TRPA1: variants seen among roughly 807,000 people sequenced by gnomAD.
TRPA1 encodes ankyrin-like with transmembrane domains 1.
A neutral mutation model predicts 131.3 loss-of-function variants in TRPA1; 129 were observed. The observed-to-expected ratio is 0.98, with a 90% CI of 0.85 to 1.14. TRPA1 has a LOEUF of 1.14. Ranked by LOEUF, TRPA1 falls within the 50% of genes most tolerant of loss-of-function variation. The pLI is 0.00. For synonymous variants in TRPA1, 441 were observed against 451.7 expected (o/e 0.98, Z 0.30); for missense variants, 1,304 against 1,354.2 (o/e 0.96, Z 0.58).
At chr8:72,073,215 G>T (rs1029627655) in intron 1 of TRPA1, among the ~76,000 whole-genome samples, 2 of 152,250 alleles carry the variant, frequency 1.3e-5, no homozygotes, top group South Asian at 4.1e-4. Flanking sequence ...CATATAAGTA[G>T]CAATGTGGCC....
chr8:72,053,656 C>G (rs1805585034), intron 13 of TRPA1, 97 bp downstream of exon 13: 4 of 871,136 alleles, frequency 4.6e-6, no homozygotes, highest in Non-Finnish European at 7.6e-6. Flanking sequence ...GGGAATAGAG[C>G]AAGGAAGGTA....
intron 12 of TRPA1, 174 bp downstream of exon 12, chr8:72,055,262 G>A (rs936909592): frequency 1.6e-6 from 1 of 623,942 alleles, no homozygotes; most frequent in African/African-American, 1.8e-5. Flanking sequence ...AAATAATACT[G>A]ACTTCCCTTT....
chr8:72,031,577 C>CA (rs201196477), intron 23 of TRPA1, among the ~76,000 whole-genome samples: 2,378 of 134,978 alleles, frequency 0.018, 79 homozygotes, highest in African/African-American at 0.057. Flanking sequence ...GATCCTATCT[C>CA]AAAAAAAACA....
chr8:72,067,599 A>G (rs954783796), intron 3 of TRPA1, among the ~76,000 whole-genome samples: 1 of 152,104 alleles, frequency 6.6e-6, no homozygotes, highest in Non-Finnish European at 1.5e-5. Context: ...CAATTCCCAA[A>G]CCACACTTTC....
chr8:72,067,167 A>G lies in TRPA1; in HGVS notation c.445-1609T>C, dbSNP rs76600636. The stretch of plus-strand genomic sequence containing the variant: ...GGAAGGTTTGAGGGACGGTCAGTGG[A>G]GCAGTCAATGGAGCAGCTTCTAAAC... On this transcript the variant is annotated intron_variant, in intron 3 of 26. Transcript: ENST00000262209. 2.1e-3 allele frequency among the ~76,000 whole-genome samples: 323 copies of G among 152,276 alleles called. 9 individuals carry two copies. In the East Asian group the frequency reaches 0.056, roughly 26 times the overall value.
At chr8:72,036,256 A>C (rs1287480173) in intron 21 of TRPA1, 32 bp downstream of exon 21, 1 of 1,608,780 alleles carries the variant, frequency 6.2e-7, no homozygotes, top group Admixed American at 1.7e-5. Context: ...AAAATGCTTA[A>C]AGGATGTGGA....
At chr8:72,088,387 T>TTTTTTTTTTTTTTTTTG in the TRPA1 span, among the ~76,000 whole-genome samples, 1 of 142,606 alleles carries the variant, frequency 7.0e-6, no homozygotes, top group Non-Finnish European at 1.5e-5. Flanking sequence ...TTTTTTTTTT[T>TTTTTTTTTTTTTTTTTG]GCTGTTTTAT....
In TRPA1 at chr8:72,055,729, A is replaced by G. The variant is rs1585875590; in HGVS notation, c.1321T>C (p.Ser441Pro). The G allele has an allele frequency of 6.2e-7, 1 of 1,613,326 alleles. No homozygotes were observed. The highest frequency in any genetic ancestry group is 8.5e-7 in the Non-Finnish European group (1 of 1,179,622). Reference protein sequence around the residue: ...NLLGFNVSIHSKSKDKKSPLH... With the variant: ...NLLGFNVSIHPKSKDKKSPLH... ...GGTGATTTCTTATCTTTGCTTTTGG[A>G]ATGAATGGACACATTAAAGCCAAGT... The change falls in exon 11 of 27, where the codon TCC (serine) becomes CCC (proline). Residue 441 changes from serine to proline, a missense_variant. Transcript: ENST00000262209.
chr8:72,061,800 T>C (rs776631838), intron 6 of TRPA1, 39 bp from the exon 7 acceptor site: 1 of 1,607,968 alleles, frequency 6.2e-7, no homozygotes, highest in Non-Finnish European at 8.5e-7. Context: ...TGTTTAAATC[T>C]CAATGAAAGA....
chr8:72,075,329 G>A lies in TRPA1; in HGVS notation c.81C>T (p.Asp27=), dbSNP rs375901621. 1.1e-5 allele frequency: 18 copies of A among 1,613,250 alleles called. No homozygotes were observed. The highest frequency in any genetic ancestry group is 3.3e-5 in the Admixed American group (2 of 59,992). The change falls in exon 1 of 27, where the codon GAC becomes GAT. Residue 27 remains aspartate, a synonymous_variant. Coordinates refer to ENST00000262209, the MANE Select transcript of TRPA1 (RefSeq NM_007332.3). The part of the protein sequence containing the change: ...PQGVVYEDVP[D]DTEDFKESLK... ...GCGATTCCTTGAAATCCTCCGTGTC[G>A]TCCGGCACATCCTCATAGACAACGC...
At chr8:72,026,197 A>G (rs981980878) in intron 24 of TRPA1, 124 bp from the exon 25 acceptor site, 1 of 770,416 alleles carries the variant, frequency 1.3e-6, no homozygotes. Flanking sequence ...CTTCTGTGCC[A>G]CAGCTGGGCT....
chr8:72,045,892 TGG>T (rs1205173448), intron 17 of TRPA1, among the ~76,000 whole-genome samples: 2 of 152,042 alleles, frequency 1.3e-5, no homozygotes, highest in Admixed American at 6.6e-5. Flanking sequence ...AAAGGTTTCT[TGG>T]GAAATTTAAG....
At chr8:72,039,210 A>G (rs1180286252) in intron 18 of TRPA1, among the ~76,000 whole-genome samples, 183 bp from the exon 19 acceptor site, 2 of 152,058 alleles carry the variant, frequency 1.3e-5, no homozygotes, top group Admixed American at 6.6e-5. Context: ...CTCAAGTTCT[A>G]AGCAAATTAC....
chr8:72,058,802 T>C (rs1585879370), intron 8 of TRPA1, among the ~76,000 whole-genome samples: 1 of 152,354 alleles, frequency 6.6e-6, no homozygotes. Flanking sequence ...CCGTCATTGC[T>C]GATATGGTGC....
chr8:72,076,474 C>A (rs1160959720), upstream of TRPA1: 1 of 152,272 alleles, frequency 6.6e-6, no homozygotes, highest in Non-Finnish European at 1.5e-5. Flanking sequence ...GCTGATTATA[C>A]CTTGCACAGG....
intron 1 of TRPA1, among the ~76,000 whole-genome samples, chr8:72,074,373 G>C (rs1806130141): frequency 6.6e-6 from 1 of 152,200 alleles, no homozygotes; most frequent in South Asian, 2.1e-4. Flanking sequence ...GTGGAAATCT[G>C]TGAGTTCTTA....
chr8:72,034,360 A>G lies in TRPA1; in HGVS notation c.2573T>C (p.Ile858Thr), dbSNP rs771456741. ...AATTACCTCCAACATAACAATAAAA[A>G]TTCCACAATTTTCAAATCTAGAAAA... ...LYLQRFENCG[I>T]FIVMLEVILK... The change falls in exon 22 of 27, where the codon ATT becomes ACT. Residue 858 changes from isoleucine (I) to threonine (T), a missense_variant. Coordinates refer to ENST00000262209, the MANE Select transcript of TRPA1 (RefSeq NM_007332.3). 2 of 1,532,450 alleles carry G rather than the reference A, an allele frequency of 1.3e-6. No homozygotes were observed. The highest frequency in any genetic ancestry group is 2.4e-5 in the South Asian group (2 of 83,958). The allele number at this position is 1,532,450 out of a possible 1,614,324, so 94.9% of individuals were successfully genotyped here.
At chr8:72,066,566 G>T (rs1805936521) in intron 3 of TRPA1, among the ~76,000 whole-genome samples, 1 of 152,158 alleles carries the variant, frequency 6.6e-6, no homozygotes, top group African/African-American at 2.4e-5. Context: ...TTATTAATTA[G>T]CTCTGCTCAT....
At chr8:72,076,999 A>G (rs2129437240), upstream of TRPA1, among the ~76,000 whole-genome samples, 1 of 152,334 alleles carries the variant, frequency 6.6e-6, no homozygotes, top group Non-Finnish European at 1.5e-5. Flanking sequence ...GGTTGGGTAA[A>G]AAGAATAACT....
Sources: gnomAD v4.1 joint callset for allele counts (sites outside exome capture counted in the v4.1 genomes callset) on GRCh38, gnomAD v4.1.1 for gene constraint, MANE v1.5 for transcripts, NCBI Gene and HGNC (gene_info 2026-07-23, HGNC 2026-07-21) for gene names.